Variants in PLXDC1 observed in about 807,000 individuals in gnomAD.
PLXDC1 encodes the protein plexin domain containing 1, also known as plexin domain-containing protein 1.
Under a neutral mutation model 61.3 loss-of-function variants are expected in PLXDC1, and 39 were observed. That is an observed-to-expected ratio of 0.64 (90% CI 0.49 to 0.83). The LOEUF is 0.83. Among genes scored for constraint, PLXDC1 ranks in the 40% least tolerant of loss-of-function variants. The probability of loss-of-function intolerance (pLI) is 0.00; values close to 1 mark genes in which losing one functional copy is unlikely to be tolerated. For synonymous variants in PLXDC1, 212 were observed against 254.5 expected (o/e 0.83, Z 1.59); for missense variants, 596 against 666.5 (o/e 0.89, Z 1.17).
At chr17:39,080,752 C>G (rs1598186959) in intron 9 of PLXDC1, 2 of 152,282 alleles carry the variant, frequency 1.3e-5, no homozygotes, top group African/African-American at 2.4e-5. Context: ...CATGCTCCCC[C>G]AGGTGGAGTT....
chr17:39,097,556 A>G (rs932734211), intron 7 of PLXDC1, among the ~76,000 whole-genome samples: 4 of 152,156 alleles, frequency 2.6e-5, no homozygotes, highest in East Asian at 3.9e-4. Context: ...AGAAAAACGC[A>G]TGGATGTGAA....
At position 39,151,242 on chromosome 17, in the gene PLXDC1, C is replaced by T. The variant is rs1299885794; in HGVS notation, c.76+120G>A. 2.8e-6 allele frequency: 2 copies of T among 721,032 alleles called. No homozygotes were observed. The highest frequency in any genetic ancestry group is 8.7e-5 in the Admixed American group (2 of 22,942). 44.7% of individuals were successfully genotyped at this position (721,032 alleles called of 1,614,324 possible). On this transcript the variant is annotated intron_variant, in intron 1 of 13. Coordinates refer to ENST00000315392, the MANE Select transcript of PLXDC1 (RefSeq NM_020405.5). The surrounding 1 kb of genome is among the most constrained non-coding windows in gnomAD (Gnocchi z 5.2). The stretch of plus-strand genomic sequence containing the variant: ...CCACAGCCCACAGCTCTCCTGGCCT[C>T]CTGCGGACAATGCCCCCCTCGCGGA...
At chr17:39,136,499 C>T (rs944926043) in intron 2 of PLXDC1, among the ~76,000 whole-genome samples, 1 of 152,082 alleles carries the variant, frequency 6.6e-6, no homozygotes, top group African/African-American at 2.4e-5. Context: ...CCTCCCACCT[C>T]GAGCCTCCCA....
intron 1 of PLXDC1, among the ~76,000 whole-genome samples, chr17:39,145,492 T>G (rs925933948): frequency 1.3e-5 from 2 of 152,154 alleles, no homozygotes; most frequent in African/African-American, 2.4e-5. Flanking sequence ...CCACCCTTAA[T>G]GCCCTAGAGC....
intron 11 of PLXDC1, among the ~76,000 whole-genome samples, chr17:39,077,324 G>C (rs1465899014): frequency 6.6e-6 from 1 of 152,152 alleles, no homozygotes; most frequent in Non-Finnish European, 1.5e-5. Flanking sequence ...GCATTCACGG[G>C]GATGGACCTC....
chr17:39,108,671 C>T (rs1244917343), intron 4 of PLXDC1: 3 of 569,406 alleles, frequency 5.3e-6, no homozygotes, highest in African/African-American at 1.9e-5. Flanking sequence ...CACACTGACT[C>T]GTGCTGGCCC....
At chr17:39,077,275 G>A (rs764243556) in intron 11 of PLXDC1, among the ~76,000 whole-genome samples, 1 of 152,174 alleles carries the variant, frequency 6.6e-6, no homozygotes, top group African/African-American at 2.4e-5. Context: ...GCCTAGGACC[G>A]GAGGAGCCTG....
Position 39,087,674 on chromosome 17 carries a change from A to G in PLXDC1, c.840T>C (p.Tyr280=), listed in dbSNP as rs12602945. The change falls in exon 8 of 14, where the codon TAT becomes TAC. Residue 280 remains tyrosine, a synonymous_variant. Transcript: ENST00000315392. ...TGCTGGGGTCCAGCTCTATGCGGTGATATTCAAAGATGCTCCTTCGCCGAG... is the reference window on the plus strand; with the variant it reads ...TGCTGGGGTCCAGCTCTATGCGGTGGTATTCAAAGATGCTCCTTCGCCGAG... ...PESRRRSIFE[Y]HRIELDPSKV... is the part of the protein sequence containing the mutation. 480,083 of 1,612,144 alleles carry G rather than the reference A, an allele frequency of 0.3. 75,259 individuals are homozygous for G. The highest frequency in any genetic ancestry group is 0.51 in the Admixed American group (30,698 of 59,960).
chr17:39,101,218 A>G (rs1910407978), intron 7 of PLXDC1, among the ~76,000 whole-genome samples: 1 of 152,260 alleles, frequency 6.6e-6, no homozygotes, highest in Admixed American at 6.5e-5. Context: ...GCAACATAAC[A>G]GAGGCACTGA....
chr17:39,110,060 T>C (rs1181811089), intron 2 of PLXDC1, among the ~76,000 whole-genome samples: 5 of 152,086 alleles, frequency 3.3e-5, no homozygotes, highest in Non-Finnish European at 5.9e-5. Context: ...CAAGAATCAC[T>C]TGAACTCGGG....
intron 2 of PLXDC1, among the ~76,000 whole-genome samples, chr17:39,133,450 C>A (rs1911628266): frequency 6.6e-6 from 1 of 152,088 alleles, no homozygotes; most frequent in South Asian, 2.1e-4. Context: ...ACAATCACAC[C>A]AGGCAGAACT....
At chr17:39,152,480 G>GA, upstream of PLXDC1, 1 of 1,167,014 alleles carries the variant, frequency 8.6e-7, no homozygotes, top group Non-Finnish European at 1.1e-6. Flanking sequence ...CGCAATGTAG[G>GA]ATATTTAATA....
intron 2 of PLXDC1, among the ~76,000 whole-genome samples, chr17:39,132,827 G>A (rs1350159496): frequency 2.6e-5 from 4 of 152,014 alleles, no homozygotes; most frequent in African/African-American, 9.7e-5. Flanking sequence ...GTAGGGGGAG[G>A]CAAAAGGCAT....
chr17:39,143,926 C>T (rs16504), intron 1 of PLXDC1, among the ~76,000 whole-genome samples: 10,971 of 152,234 alleles, frequency 0.072, 530 homozygotes, highest in East Asian at 0.13. Flanking sequence ...GGAGACAGAG[C>T]TGTTTGTGCT....
intron 2 of PLXDC1, among the ~76,000 whole-genome samples, chr17:39,124,588 A>G (rs975374374): frequency 6.6e-5 from 10 of 152,350 alleles, no homozygotes; most frequent in African/African-American, 2.4e-4. Context: ...GCAAGACCCT[A>G]TCTCAAAAAA....
chr17:39,112,766 G>A (rs1281224356), intron 2 of PLXDC1, among the ~76,000 whole-genome samples: 1 of 152,058 alleles, frequency 6.6e-6, no homozygotes, highest in African/African-American at 2.4e-5. Flanking sequence ...GGGGGTAGGG[G>A]GACTGGTGCT....
chr17:39,074,217 G>GT (rs1294610011), intron 11 of PLXDC1, among the ~76,000 whole-genome samples: 2 of 152,122 alleles, frequency 1.3e-5, no homozygotes, highest in African/African-American at 4.8e-5. Flanking sequence ...CATTAAAAAT[G>GT]TTTTTTCTTA....
intron 7 of PLXDC1, among the ~76,000 whole-genome samples, chr17:39,101,200 G>A (rs1305868598): frequency 2.0e-5 from 3 of 152,194 alleles, no homozygotes; most frequent in Admixed American, 6.5e-5. Context: ...ACAGTTCCTC[G>A]TGTAGCAGCA....
chr17:39,128,423 T>C (rs1030371918), intron 2 of PLXDC1, among the ~76,000 whole-genome samples: 1 of 151,382 alleles, frequency 6.6e-6, no homozygotes, highest in African/African-American at 2.4e-5. Context: ...TTTCATCATG[T>C]TGGCCAGGGT....
Sources: gnomAD v4.1 joint callset for allele counts (sites outside exome capture counted in the v4.1 genomes callset) on GRCh38, gnomAD v4.1.1 for gene constraint, Gnocchi (gnomAD v3.1) non-coding constraint, MANE v1.5 for transcripts, NCBI Gene and HGNC (gene_info 2026-07-23, HGNC 2026-07-21) for gene names.